The following CACNB2 variants were observed in gnomAD, a reference collection of about 807,000 sequenced individuals.
CACNB2 encodes the protein calcium voltage-gated channel auxiliary subunit beta 2, also known as voltage-dependent L-type calcium channel subunit beta-2.
Under a neutral mutation model 73.3 loss-of-function variants are expected in CACNB2, and 42 were observed. That is an observed-to-expected ratio of 0.57 (90% CI 0.45 to 0.74). The LOEUF is 0.74. CACNB2 is among the 30% of genes least tolerant of loss of function. The pLI, the probability that CACNB2 is intolerant of heterozygous loss-of-function variation, is 0.00. For missense variants in CACNB2, 940 were observed against 853.0 expected (o/e 1.10, Z -1.27); for synonymous variants, 348 against 310.3 (o/e 1.12, Z -1.28).
intron 3 of CACNB2, among the ~76,000 whole-genome samples, chr10:18,451,289 A>G (rs1041576964): frequency 1.3e-5 from 2 of 152,210 alleles, no homozygotes; most frequent in Non-Finnish European, 2.9e-5. Flanking sequence ...TTAATCTTAT[A>G]AATACCCAGC....
chr10:18,260,770 A>G, intron 2 of CACNB2: 1 of 1,005,104 alleles, frequency 9.9e-7, no homozygotes, highest in Non-Finnish European at 1.2e-6. Context: ...GAGCAGGAAC[A>G]GCAGCGTGCT....
At chr10:18,393,363 T>TAATTTTAACTTTTTCA (rs1349685063) in intron 2 of CACNB2, among the ~76,000 whole-genome samples, 2 of 152,230 alleles carry the variant, frequency 1.3e-5, no homozygotes, top group Admixed American at 1.3e-4. Flanking sequence ...ATTGCCCCTC[T>TAATTTTAACTTTTTCA]AATTTTAACT....
intron 2 of CACNB2, among the ~76,000 whole-genome samples, chr10:18,379,720 C>T (rs987705914): frequency 1.3e-5 from 2 of 152,336 alleles, no homozygotes; most frequent in East Asian, 3.9e-4. Flanking sequence ...GGGTTTCACT[C>T]TGTCACCCAA....
chr10:18,218,873 A>C (rs935492671), intron 2 of CACNB2, among the ~76,000 whole-genome samples: 5 of 152,136 alleles, frequency 3.3e-5, no homozygotes, highest in African/African-American at 1.2e-4. Flanking sequence ...CTCAAAAAAA[A>C]GTACTTCTGG....
intron 3 of CACNB2, among the ~76,000 whole-genome samples, chr10:18,426,109 T>G (rs2045585928): frequency 6.6e-6 from 1 of 152,192 alleles, no homozygotes; most frequent in African/African-American, 2.4e-5. Context: ...AGATACCATA[T>G]ATGAAGTCCA....
chr10:18,468,542 A>G (rs987264122), intron 3 of CACNB2, among the ~76,000 whole-genome samples: 3 of 152,170 alleles, frequency 2.0e-5, no homozygotes, highest in African/African-American at 7.2e-5. Flanking sequence ...AACTTAGTAA[A>G]TCTGAATCTG....
intron 2 of CACNB2, among the ~76,000 whole-genome samples, chr10:18,383,210 T>G (rs982466075): frequency 6.6e-6 from 1 of 152,214 alleles, no homozygotes; most frequent in Non-Finnish European, 1.5e-5. Flanking sequence ...TGGTACAGGA[T>G]GTGTTTAAAG....
intron 2 of CACNB2, among the ~76,000 whole-genome samples, chr10:18,286,287 C>A (rs971611960): frequency 6.6e-6 from 1 of 151,908 alleles, no homozygotes; most frequent in African/African-American, 2.4e-5. Flanking sequence ...GAGGCCAAGG[C>A]GGGCGGATCA....
At chr10:18,333,098 TAAC>T (rs1431218350) in intron 2 of CACNB2, among the ~76,000 whole-genome samples, 1 of 152,214 alleles carries the variant, frequency 6.6e-6, no homozygotes, top group African/African-American at 2.4e-5. Flanking sequence ...TCTTCATTAA[TAAC>T]AGTAGGTTCT....
intron 2 of CACNB2, among the ~76,000 whole-genome samples, chr10:18,390,507 C>T (rs919016664): frequency 1.3e-5 from 2 of 152,212 alleles, no homozygotes; most frequent in African/African-American, 4.8e-5. Context: ...CCACGGGGCC[C>T]AGCCAACATG....
At chr10:18,160,610 A>G (rs1178862508) in intron 2 of CACNB2, among the ~76,000 whole-genome samples, 1 of 152,208 alleles carries the variant, frequency 6.6e-6, no homozygotes, top group African/African-American at 2.4e-5. Flanking sequence ...TATAAAAAGC[A>G]TGTGTTTCAG....
intron 3 of CACNB2, among the ~76,000 whole-genome samples, chr10:18,456,920 C>A (rs1388728170): frequency 6.6e-6 from 1 of 152,154 alleles, no homozygotes; most frequent in African/African-American, 2.4e-5. Flanking sequence ...TTGCTTCCAC[C>A]TTTTGGCTAC....
intron 1 of CACNB2, among the ~76,000 whole-genome samples, chr10:18,150,665 AAAAAG>A (rs1391314443): frequency 2.6e-5 from 4 of 152,166 alleles, no homozygotes; most frequent in East Asian, 1.9e-4. Context: ...CTCTGTCTCA[AAAAAG>A]AAAAGAAAAG....
At chr10:18,430,003 C>T (rs1052340811) in intron 3 of CACNB2, among the ~76,000 whole-genome samples, 6 of 151,840 alleles carry the variant, frequency 4.0e-5, no homozygotes, top group Non-Finnish European at 7.4e-5. Context: ...AAAAAGTCAA[C>T]TTAGCTCCAT....
chr10:18,151,095 A>G (rs1435475865), intron 2 of CACNB2, 120 bp downstream of exon 2: 1 of 749,648 alleles, frequency 1.3e-6, no homozygotes, highest in Non-Finnish European at 2.4e-6. Context: ...TTTTAATTGA[A>G]GTGAAGACGG....
chr10:18,536,217 G>GCATAATCC (rs767251722), intron 12 of CACNB2, 21 bp downstream of exon 12: 1 of 668,686 alleles, frequency 1.5e-6, no homozygotes, highest in Non-Finnish European at 2.6e-6. Flanking sequence ...TCTATATACA[G>GCATAATCC]CATAATCCAG....
intron 3 of CACNB2, among the ~76,000 whole-genome samples, chr10:18,442,926 G>GTATATATATATATGTA (rs2046493098): frequency 2.0e-5 from 1 of 49,466 alleles, no homozygotes; most frequent in Non-Finnish European, 3.4e-5. Flanking sequence ...ATATATATAT[G>GTATATATATATATGTA]TATATATATA....
At chr10:18,269,680 T>C (rs1018669450) in intron 2 of CACNB2, among the ~76,000 whole-genome samples, 1 of 152,216 alleles carries the variant, frequency 6.6e-6, no homozygotes, top group Non-Finnish European at 1.5e-5. Context: ...GACATCTCTA[T>C]TTGGAAACTC....
intron 2 of CACNB2, among the ~76,000 whole-genome samples, chr10:18,366,245 C>A (rs2042342266): frequency 6.6e-6 from 1 of 151,792 alleles, no homozygotes; most frequent in South Asian, 2.1e-4. Context: ...GCGGGCGGAT[C>A]ACGAGGTCAG....
Sources: gnomAD v4.1 joint callset for allele counts (sites outside exome capture counted in the v4.1 genomes callset) on GRCh38, gnomAD v4.1.1 for gene constraint, MANE v1.5 for transcripts, NCBI Gene and HGNC (gene_info 2026-07-23, HGNC 2026-07-21) for gene names.